The following MYO9A variants were observed in gnomAD, a reference collection of about 807,000 sequenced individuals.
MYO9A encodes the protein myosin IXA, also known as unconventional myosin-IXa.
Under a neutral mutation model 293.3 loss-of-function variants are expected in MYO9A, and 103 were observed. That is an observed-to-expected ratio of 0.35 (90% CI 0.30 to 0.41). The LOEUF (loss-of-function observed/expected upper bound fraction) is 0.41. Ranked by LOEUF, MYO9A falls within the 10% of genes least tolerant of loss-of-function variation. The probability of loss-of-function intolerance (pLI) is 1.00; values close to 1 mark genes in which losing one functional copy is unlikely to be tolerated. For missense variants in MYO9A, 2,685 were observed against 3,033.0 expected, an observed-to-expected ratio of 0.89 and a Z score of 2.69; for synonymous variants, 1,001 against 1,035.7, an observed-to-expected ratio of 0.97 and a Z score of 0.64.
chr15:71,854,334 TAAATA>T lies in MYO9A; in HGVS notation c.6346+38_6346+42del, dbSNP rs1284504433. 2.3e-6 allele frequency: 3 copies of T among 1,328,648 alleles called. No homozygotes were observed. In the African/African-American group the frequency reaches 4.5e-5, roughly 20 times the overall value. 82.3% of individuals were successfully genotyped at this position (1,328,648 alleles called of 1,614,324 possible). A position where few individuals can be genotyped will look rare whatever the true frequency, so the allele number is the denominator to read the frequency against. ...CTTTAAGAGCATGAAAGGAACTATT[TAAATA>T]AAAGTATTTCATTATGATTTAGAGG... On this transcript the variant is annotated intron_variant, in intron 35 of 41. Transcript: ENST00000356056.
chr15:72,115,995 A>T (rs533844842), intron 1 of MYO9A, among the ~76,000 whole-genome samples: 18 of 152,356 alleles, frequency 1.2e-4, no homozygotes, highest in Non-Finnish European at 2.4e-4. Context: ...AATGACCTCT[A>T]GGATGTAGTA....
chr15:71,899,653 G>GA, intron 24 of MYO9A, 34 bp downstream of exon 24: 5 of 1,549,760 alleles, frequency 3.2e-6, no homozygotes, highest in African/African-American at 1.4e-5. Flanking sequence ...TTGGGAAGAA[G>GA]AAAAAAAGCA....
chr15:71,859,677 T>C, intron 34 of MYO9A, 58 bp downstream of exon 34: 1 of 1,413,642 alleles, frequency 7.1e-7, no homozygotes, highest in Non-Finnish European at 9.9e-7. Flanking sequence ...TTTATTTCCA[T>C]AAGGCACAAA....
rs2057469665 is a variant in MYO9A, at chr15:71,901,106, A to C, written c.3150+85T>G. On this transcript the variant is annotated intron_variant, in intron 23 of 41. Coordinates refer to ENST00000356056, the MANE Select transcript of MYO9A (RefSeq NM_006901.4). ...TCTGAAGTTCACATTATTACTGAAA[A>C]TGTTTTACAGTAAAAAGGTTCTGGT... The C allele has an allele frequency of 2.1e-6, 3 of 1,401,890 alleles. No homozygotes were observed. In the African/African-American group the frequency reaches 4.4e-5, roughly 21 times the overall value. 86.8% of individuals were successfully genotyped at this position (1,401,890 alleles called of 1,614,324 possible).
intron 19 of MYO9A, among the ~76,000 whole-genome samples, chr15:71,911,770 G>A (rs1228685593): frequency 6.6e-6 from 1 of 152,180 alleles, no homozygotes; most frequent in African/African-American, 2.4e-5. Context: ...GGCTTTACCT[G>A]CTTTGAAAGT....
chr15:72,057,801 T>C (rs535312853), intron 1 of MYO9A, among the ~76,000 whole-genome samples: 9 of 152,362 alleles, frequency 5.9e-5, no homozygotes, highest in Admixed American at 2.6e-4. Flanking sequence ...ATCAACATAT[T>C]TGAGCCACTG....
At chr15:71,845,298 T>C (rs768128461) in intron 39 of MYO9A, among the ~76,000 whole-genome samples, 2 of 147,634 alleles carry the variant, frequency 1.4e-5, no homozygotes, top group Non-Finnish European at 2.9e-5. Context: ...AGTAAGCACT[T>C]TAAATACAGC....
intron 1 of MYO9A, among the ~76,000 whole-genome samples, chr15:72,097,502 A>T (rs1485472253): frequency 8.4e-6 from 1 of 118,670 alleles, no homozygotes; most frequent in Non-Finnish European, 2.2e-5. Context: ...TGGGAAAACA[A>T]AAGTTTCATG....
Position 71,852,145 on chromosome 15 carries a change from A to G in MYO9A, c.6462T>C (p.Phe2154=), listed in dbSNP as rs1254246616. Reference sequence around the variant, plus strand: ...GCCTATGCTTACCCATAGCTCGAAGAAATTCCTCATAGAGTTCAAAGGTCA... The same window carrying G: ...GCCTATGCTTACCCATAGCTCGAAGGAATTCCTCATAGAGTTCAAAGGTCA... ...PLMTFELYEE[F]LRAMGLQERK... Residue 2154 remains phenylalanine, a synonymous_variant, in exon 36 of 42, where the codon TTT becomes TTC. Coordinates refer to ENST00000356056, the MANE Select transcript of MYO9A (RefSeq NM_006901.4). 6.2e-7 allele frequency: 1 copy of G among 1,612,154 alleles called. No homozygotes were observed. The highest frequency in any genetic ancestry group is 8.5e-7 in the Non-Finnish European group (1 of 1,178,766).
intron 13 of MYO9A, chr15:71,960,382 C>CT: frequency 2.9e-6 from 1 of 349,750 alleles, no homozygotes; most frequent in South Asian, 4.3e-5. Context: ...CTCGTTCCCT[C>CT]TCTCTTGCCA....
chr15:72,101,969 C>T (rs1373785280), intron 1 of MYO9A, among the ~76,000 whole-genome samples: 1 of 151,414 alleles, frequency 6.6e-6, no homozygotes, highest in Non-Finnish European at 1.5e-5. Context: ...TGCCCGGCCA[C>T]CACCCCGTCT....
At chr15:72,068,372 GA>G (rs1235240983) in intron 1 of MYO9A, among the ~76,000 whole-genome samples, 3 of 151,902 alleles carry the variant, frequency 2.0e-5, no homozygotes, top group African/African-American at 7.3e-5. Context: ...CATTTAATAA[GA>G]AATATGTGAT....
chr15:71,914,153 A>G (rs1299070085), intron 19 of MYO9A, among the ~76,000 whole-genome samples: 1 of 151,962 alleles, frequency 6.6e-6, no homozygotes, highest in African/African-American at 2.4e-5. Flanking sequence ...CTACCTTTCT[A>G]TCTCCATCTC....
chr15:71,934,432 C>G (rs1327353512), intron 17 of MYO9A, among the ~76,000 whole-genome samples: 1 of 151,984 alleles, frequency 6.6e-6, no homozygotes, highest in Non-Finnish European at 1.5e-5. Context: ...TAATGTATAT[C>G]TCTGGGCTAG....
chr15:72,100,679 C>T (rs2080251558), intron 1 of MYO9A, among the ~76,000 whole-genome samples: 1 of 151,678 alleles, frequency 6.6e-6, no homozygotes, highest in Non-Finnish European at 1.5e-5. Flanking sequence ...AGGAGCATCT[C>T]TGCCCCGCCG....
intron 39 of MYO9A, among the ~76,000 whole-genome samples, chr15:71,833,128 A>AT (rs1203587459): frequency 5.3e-5 from 8 of 152,140 alleles, no homozygotes; most frequent in Non-Finnish European, 8.8e-5. Flanking sequence ...AAAACAGTAG[A>AT]TTTTAAGCCC....
chr15:71,827,054 A>C lies in MYO9A; in HGVS notation c.7184-11T>G. 3 of 1,529,096 alleles carry C rather than the reference A, an allele frequency of 2.0e-6. No homozygotes were observed. The highest frequency in any genetic ancestry group is 2.6e-6 in the Non-Finnish European group (3 of 1,140,888). 94.7% of individuals were successfully genotyped at this position (1,529,096 alleles called of 1,614,324 possible). Reference sequence around the variant, plus strand: ...GGGCTAAGCTTCTTTCTAATGCAAAAAAGAGACCAAAGATGTAAATGACAG... The same window carrying C: ...GGGCTAAGCTTCTTTCTAATGCAAACAAGAGACCAAAGATGTAAATGACAG... On this transcript the variant is annotated splice_polypyrimidine_tract_variant and intron_variant, in intron 41 of 41. Coordinates refer to ENST00000356056, the MANE Select transcript of MYO9A (RefSeq NM_006901.4).
chr15:71,919,833 C>T (rs1479061246), intron 18 of MYO9A, among the ~76,000 whole-genome samples: 1 of 116,362 alleles, frequency 8.6e-6, no homozygotes. Flanking sequence ...CAGAATAAGA[C>T]TCCATCTCAA....
chr15:71,847,716 A>C (rs1205033809), intron 39 of MYO9A, among the ~76,000 whole-genome samples: 1 of 152,180 alleles, frequency 6.6e-6, no homozygotes, highest in Non-Finnish European at 1.5e-5. Flanking sequence ...ATACTACAGA[A>C]ATGTTTCACT....
Sources: gnomAD v4.1 joint callset for allele counts (sites outside exome capture counted in the v4.1 genomes callset) on GRCh38, gnomAD v4.1.1 for gene constraint, MANE v1.5 for transcripts, NCBI Gene and HGNC (gene_info 2026-07-23, HGNC 2026-07-21) for gene names.